IPCEF1: variants seen among roughly 807,000 people sequenced by gnomAD.
IPCEF1 encodes the protein interaction protein for cytohesin exchange factors 1, also known as interactor protein for cytohesin exchange factors 1.
IPCEF1 carries 31 observed loss-of-function variants against 50.9 expected under a neutral mutation model. That is an observed-to-expected ratio of 0.61 (90% confidence interval 0.46 to 0.82). The LOEUF is 0.82. Among genes scored for constraint, IPCEF1 ranks in the 40% least tolerant of loss-of-function variants. The probability of loss-of-function intolerance (pLI) is 0.00; values close to 1 mark genes in which losing one functional copy is unlikely to be tolerated. For synonymous variants in IPCEF1, 181 were observed against 192.0 expected (o/e 0.94, Z 0.47); for missense variants, 458 against 514.0 (o/e 0.89, Z 1.05).
chr6:154,353,433 G>A (rs946103973), intron 1 of IPCEF1, among the ~76,000 whole-genome samples: 1 of 151,562 alleles, frequency 6.6e-6, no homozygotes. Flanking sequence ...GATTACGTGC[G>A]CCCGCACCAT....
chr6:154,336,835 C>G (rs1783797512), intron 1 of IPCEF1, among the ~76,000 whole-genome samples: 1 of 152,174 alleles, frequency 6.6e-6, no homozygotes, highest in South Asian at 2.1e-4. Flanking sequence ...ATCTCCTGGG[C>G]TCAAGTGATT....
rs201296055 is a variant in IPCEF1 at position 154,246,751 on chromosome 6, G to A, written c.86C>T (p.Thr29Met). Residue 29 changes from threonine to methionine, a missense_variant, in exon 5 of 12, where the codon ACG becomes ATG. By Grantham distance (81) the Thr-to-Met change is moderately conservative. Coordinates refer to ENST00000367220, the MANE Select transcript of IPCEF1 (RefSeq NM_001130700.2). Reference sequence around the variant, plus strand: ...ACACGATATCCTCCTCCGACTCATCGTGAGAAAACCTGCAATGATTACATG... The same window carrying A: ...ACACGATATCCTCCTCCGACTCATCATGAGAAAACCTGCAATGATTACATG... ...KPRRKTQGFL[T>M]MSRRRISCKD... is the part of the protein sequence containing the mutation. The A allele has an allele frequency of 6.5e-5, 105 of 1,613,648 alleles. No individual in the cohort carries two copies. In the East Asian group the frequency reaches 1.3e-3, roughly 20 times the overall value.
intron 1 of IPCEF1, among the ~76,000 whole-genome samples, chr6:154,316,833 T>C (rs1378482750): frequency 6.6e-6 from 1 of 152,158 alleles, no homozygotes; most frequent in Non-Finnish European, 1.5e-5. Context: ...CATTCCACAA[T>C]ATATACGTAT....
chr6:154,229,916 CATGG>C (rs1779591708), intron 5 of IPCEF1, among the ~76,000 whole-genome samples: 1 of 152,206 alleles, frequency 6.6e-6, no homozygotes, highest in South Asian at 2.1e-4. Context: ...CTTGCTGAAA[CATGG>C]ATGAACCCTG....
intron 9 of IPCEF1, among the ~76,000 whole-genome samples, chr6:154,211,443 G>A (rs932800898): frequency 2.1e-4 from 32 of 151,408 alleles, no homozygotes; most frequent in Admixed American, 2.0e-3. Context: ...GGAAAAGCAT[G>A]TCCTATAAAG....
In IPCEF1 at chr6:154,277,003, G is replaced by A. The variant is rs369078698; in HGVS notation, c.-17-11039C>T. ...ATCATAGATCAGCTGCCACTGTGTG[G>A]TCTGGAAGGGTCTGATCAGCAGGCA... On this transcript the variant is annotated intron_variant, in intron 2 of 11. Transcript: ENST00000367220. 3.3e-5 allele frequency among the ~76,000 whole-genome samples: 5 copies of A among 152,230 alleles called. No individual in the cohort carries two copies. In the East Asian group the frequency reaches 9.6e-4, roughly 29 times the overall value.
rs528490695 is a variant in IPCEF1 at position 154,235,226 on chromosome 6, A to G, written c.246+11365T>C. On this transcript the variant is annotated intron_variant, in intron 5 of 11. Transcript: ENST00000367220. ...TTAAAATCAGGTGCATTCTCTTTGAATATTAGAGATTTAGAAGTAATAGGC... is the reference window on the plus strand; with the variant it reads ...TTAAAATCAGGTGCATTCTCTTTGAGTATTAGAGATTTAGAAGTAATAGGC... Among the ~76,000 whole-genome samples the G allele has an allele frequency of 2.6e-5, 4 of 152,362 alleles. No individual in the cohort carries two copies. In the South Asian group the frequency reaches 8.3e-4, roughly 32 times the overall value.
chr6:154,191,253 T>C (rs1801854204), intron 10 of IPCEF1, among the ~76,000 whole-genome samples: 1 of 152,030 alleles, frequency 6.6e-6, no homozygotes, highest in Admixed American at 6.6e-5. Context: ...GGTAGAAGGA[T>C]GAATAGATGG....
At chr6:154,248,535 TC>T (rs1354412075) in intron 3 of IPCEF1, among the ~76,000 whole-genome samples, 7 of 152,172 alleles carry the variant, frequency 4.6e-5, no homozygotes, top group African/African-American at 1.7e-4. Context: ...TATAATGTTT[TC>T]TAGAGGTTCC....
chr6:154,317,608 A>G (rs1783257190), intron 1 of IPCEF1, among the ~76,000 whole-genome samples: 1 of 150,898 alleles, frequency 6.6e-6, no homozygotes, highest in South Asian at 2.1e-4. Flanking sequence ...AAAAAAATGT[A>G]AAAATGGCCA....
chr6:154,288,758 C>T (rs1457108352), intron 2 of IPCEF1, among the ~76,000 whole-genome samples: 4 of 138,328 alleles, frequency 2.9e-5, no homozygotes, highest in Admixed American at 2.2e-4. Flanking sequence ...AGTTGTGTTT[C>T]ATCTTTGGAA....
chr6:154,336,343 A>T (rs1774412482), intron 1 of IPCEF1, among the ~76,000 whole-genome samples: 1 of 152,246 alleles, frequency 6.6e-6, no homozygotes, highest in Non-Finnish European at 1.5e-5. Context: ...GGCCATAAAA[A>T]AGAATGAAAT....
chr6:154,238,688 C>A (rs1280996537), intron 5 of IPCEF1, among the ~76,000 whole-genome samples: 2 of 152,046 alleles, frequency 1.3e-5, no homozygotes, highest in South Asian at 2.1e-4. Flanking sequence ...TACTGTATAA[C>A]CTTTTTTATA....
chr6:154,217,854 T>C (rs1778538687), intron 7 of IPCEF1, among the ~76,000 whole-genome samples: 1 of 152,202 alleles, frequency 6.6e-6, no homozygotes, highest in Non-Finnish European at 1.5e-5. Context: ...TTCACTTGAG[T>C]GTCTGAAACA....
chr6:154,354,381 TCCACCGTCACCTCCAA>T lies in IPCEF1; in HGVS notation c.-62+2275_-62+2290del, dbSNP rs1428812892. On this transcript the variant is annotated intron_variant, in intron 1 of 11. Coordinates refer to ENST00000367220, the MANE Select transcript of IPCEF1 (RefSeq NM_001130700.2). ...ACCATCACTTCTACCATCTGTCACC[TCCACCGTCACCTCCAA>T]CCACCATCTCCACCACCACCTCCAC... 6.3e-5 allele frequency among the ~76,000 whole-genome samples: 5 copies of T among 79,834 alleles called. No individual in the cohort carries two copies. In the East Asian group the frequency reaches 8.5e-4, roughly 14 times the overall value. The allele number at this position is 79,834 out of a possible 152,430, so 52.4% of individuals were successfully genotyped here.
At chr6:154,241,944 CT>C (rs368192102) in intron 5 of IPCEF1, among the ~76,000 whole-genome samples, 307 of 152,268 alleles carry the variant, frequency 2.0e-3, no homozygotes, top group African/African-American at 7.2e-3. Context: ...AAGAGCCTGG[CT>C]TTGTCGTTGG....
intron 5 of IPCEF1, among the ~76,000 whole-genome samples, chr6:154,232,473 G>A (rs531477320): frequency 1.3e-5 from 2 of 152,312 alleles, no homozygotes; most frequent in East Asian, 3.9e-4. Flanking sequence ...GCCAGACCTA[G>A]AACACCAAGC....
intron 10 of IPCEF1, among the ~76,000 whole-genome samples, chr6:154,186,485 C>T (rs1309408034): frequency 6.6e-6 from 1 of 152,202 alleles, no homozygotes; most frequent in Non-Finnish European, 1.5e-5. Context: ...GCAGCCACCT[C>T]GCCGCCTATC....
At chr6:154,346,798 TG>T (rs1337611584) in intron 1 of IPCEF1, among the ~76,000 whole-genome samples, 9 of 152,162 alleles carry the variant, frequency 5.9e-5, no homozygotes, top group African/African-American at 2.2e-4. Flanking sequence ...ACAGCCCCCA[TG>T]GTCTAATCAC....
Sources: allele counts gnomAD v4.1 joint callset (sites outside exome capture counted in the v4.1 genomes callset), GRCh38; gene constraint gnomAD v4.1.1; transcripts MANE v1.5; gene names NCBI Gene and HGNC (gene_info 2026-07-23, HGNC 2026-07-21).